Variants in RFLNA observed in about 807,000 individuals in gnomAD.
RFLNA encodes the protein refilin-A.
RFLNA carries 5 observed loss-of-function variants against 7.8 expected under a neutral mutation model. The ratio of observed to expected loss-of-function variants is 0.64; its 90% CI spans 0.34 to 1.35. RFLNA has a LOEUF of 1.35. Ranked by LOEUF, RFLNA falls within the 40% of genes most tolerant of loss-of-function variation. The pLI is 0.04. For missense variants in RFLNA, 278 were observed against 305.5 expected (o/e 0.91, Z 0.67); for synonymous variants, 141 against 131.3 (o/e 1.07, Z -0.50).
intron 2 of RFLNA, among the ~76,000 whole-genome samples, chr12:124,312,224 G>C (rs1446421873): frequency 6.6e-6 from 1 of 151,954 alleles, no homozygotes; most frequent in Non-Finnish European, 1.5e-5. Flanking sequence ...CCTCCAAAAG[G>C]CTTTTATTTT....
chr12:124,296,539 C>A (rs1262005846), intron 1 of RFLNA, among the ~76,000 whole-genome samples: 1 of 152,134 alleles, frequency 6.6e-6, no homozygotes, highest in African/African-American at 2.4e-5. Flanking sequence ...ACTGCTGGGG[C>A]GTGTGTGCTG....
At chr12:124,310,193 A>AAAAAAAAAAAAAAAAAAAC (rs1566328172) in intron 1 of RFLNA, among the ~76,000 whole-genome samples, 1 of 147,210 alleles carries the variant, frequency 6.8e-6, no homozygotes, top group Non-Finnish European at 1.5e-5. Context: ...AAAAAAAAAA[A>AAAAAAAAAAAAAAAAAAAC]AAAGCCTTTA....
rs1022552910 is a variant in RFLNA at position 124,315,167 on chromosome 12, C to T, written c.*642C>T. ...GCGCTGGAGGTGGTGATACTGGGGGCGGGGAAGGCCTAGAAATACTTTGAG... is the reference window on the plus strand; with the variant it reads ...GCGCTGGAGGTGGTGATACTGGGGGTGGGGAAGGCCTAGAAATACTTTGAG... On this transcript the variant is annotated 3_prime_UTR_variant, in exon 3 of 3. Transcript: ENST00000546355. 2.2e-4 allele frequency: 37 copies of T among 169,474 alleles called. No homozygotes were observed. Among genetic ancestry groups the T allele is most frequent in the African/African-American group, 7.6e-4 (32 of 41,844 alleles). 10.5% of individuals were successfully genotyped at this position (169,474 alleles called of 1,614,324 possible).
chr12:124,297,872 C>T (rs1034798548), intron 1 of RFLNA, among the ~76,000 whole-genome samples: 1 of 152,208 alleles, frequency 6.6e-6, no homozygotes, highest in African/African-American at 2.4e-5. Context: ...CGTTAACTCC[C>T]GCTAAACTTT....
At chr12:124,294,919 G>A (rs545934197), upstream of RFLNA, among the ~76,000 whole-genome samples, 1 of 152,206 alleles carries the variant, frequency 6.6e-6, no homozygotes, top group Non-Finnish European at 1.5e-5. Context: ...CGGGAGTGGG[G>A]GACACACGCG....
intron 2 of RFLNA, among the ~76,000 whole-genome samples, chr12:124,313,867 G>A (rs11610586): frequency 0.51 from 77,430 of 151,960 alleles, 22,139 homozygotes; most frequent in Non-Finnish European, 0.64. Context: ...AAGTGCACAC[G>A]GTGACGCCAG....
chr12:124,292,187 C>T (rs1052867661), upstream of RFLNA, among the ~76,000 whole-genome samples: 27 of 152,296 alleles, frequency 1.8e-4, no homozygotes, highest in African/African-American at 6.5e-4. Flanking sequence ...TGCTTCAAAA[C>T]CTCTGCAGAT....
chr12:124,295,598 G>T lies in RFLNA; in HGVS notation c.169G>T (p.Ala57Ser), dbSNP rs778257382. 1.6e-6 allele frequency: 2 copies of T among 1,216,816 alleles called. No homozygotes were observed. The highest frequency in any genetic ancestry group is 2.0e-6 in the Non-Finnish European group (2 of 980,742). 75.4% of individuals were successfully genotyped at this position (1,216,816 alleles called of 1,614,324 possible). ...CGACGCGCGCGCGGGGGGCGCCGGC[G>T]CCTCCTCGGAGCCCCCGGGACCCAG... ...ILDARAGGAG[A>S]SSEPPGPSEA... Residue 57 changes from alanine to serine, a missense_variant, in exon 1 of 3, where the codon GCC becomes TCC. Physicochemically the swap from Ala to Ser is moderately conservative, Grantham distance 99 (BLOSUM62 1). Transcript: ENST00000546355.
intron 1 of RFLNA, among the ~76,000 whole-genome samples, chr12:124,305,247 C>T (rs1003970572): frequency 6.6e-6 from 1 of 152,212 alleles, no homozygotes; most frequent in Non-Finnish European, 1.5e-5. Flanking sequence ...ATCCCCCTTG[C>T]GGGCCCACTG....
intron 2 of RFLNA, among the ~76,000 whole-genome samples, chr12:124,312,867 C>T (rs1416581640): frequency 6.6e-6 from 1 of 152,182 alleles, no homozygotes; most frequent in East Asian, 1.9e-4. Context: ...CATCCCACAT[C>T]GATTTGCCCT....
intron 1 of RFLNA, among the ~76,000 whole-genome samples, chr12:124,297,355 C>T (rs2135674166): frequency 6.6e-6 from 1 of 152,262 alleles, no homozygotes; most frequent in South Asian, 2.1e-4. Context: ...CCCTGATCTT[C>T]TAATTTGGCT....
At chr12:124,290,952 T>C (rs377541063), upstream of RFLNA, among the ~76,000 whole-genome samples, 148 of 152,322 alleles carry the variant, frequency 9.7e-4, no homozygotes, top group African/African-American at 3.5e-3. This position sits in a 1 kb window ranked among gnomAD's most constrained non-coding sequence, Gnocchi z 4.0. Context: ...AGGAGACCCC[T>C]TCCTTGTCTG....
intron 1 of RFLNA, among the ~76,000 whole-genome samples, chr12:124,296,077 T>TTTC (rs1566319891): frequency 1.9e-4 from 1 of 5,234 alleles, no homozygotes; most frequent in South Asian, 0.018. Context: ...AAGCCTTTTC[T>TTTC]TTCTTTCTTT....
upstream of RFLNA, among the ~76,000 whole-genome samples, chr12:124,292,289 A>G (rs1035680032): frequency 2.7e-4 from 41 of 152,248 alleles, no homozygotes; most frequent in Non-Finnish European, 5.6e-4. Flanking sequence ...CCCTTCCTAC[A>G]GCGCTGGGCC....
Position 124,306,040 on chromosome 12 carries a change from T to A in RFLNA, c.208-5778T>A, listed in dbSNP as rs776833592. Among the ~76,000 whole-genome samples the A allele has an allele frequency of 1.3e-5, 2 of 152,090 alleles. No individual in the cohort carries two copies. Among genetic ancestry groups the A allele is most frequent in the African/African-American group, 4.8e-5 (2 of 41,412 alleles). ...TGACTAGCAGGGATGGGGCTCCTGG[T>A]GATGTTTGTCCACAGACTGCTGCCA... On this transcript the variant is annotated intron_variant, in intron 1 of 2. Transcript: ENST00000546355. This position sits in a 1 kb window ranked among gnomAD's most constrained non-coding sequence, Gnocchi z 5.2.
intron 1 of RFLNA, among the ~76,000 whole-genome samples, chr12:124,301,043 C>A (rs1261313066): frequency 6.6e-6 from 1 of 152,154 alleles, no homozygotes; most frequent in East Asian, 1.9e-4. Flanking sequence ...GGATCGGTCC[C>A]CATGGCCCCC....
intron 1 of RFLNA, among the ~76,000 whole-genome samples, chr12:124,308,915 G>A (rs1397828677): frequency 6.6e-6 from 1 of 152,230 alleles, no homozygotes; most frequent in African/African-American, 2.4e-5. Flanking sequence ...GCGTGTTCTG[G>A]ATCTACCCCG....
chr12:124,298,924 C>G (rs2033977710), intron 1 of RFLNA, among the ~76,000 whole-genome samples: 1 of 152,222 alleles, frequency 6.6e-6, no homozygotes, highest in South Asian at 2.1e-4. Flanking sequence ...GCACAAAAAT[C>G]TCAGAAATCA....
intron 1 of RFLNA, among the ~76,000 whole-genome samples, chr12:124,309,269 C>T (rs151205418): frequency 1.9e-4 from 29 of 152,324 alleles, no homozygotes; most frequent in Non-Finnish European, 3.4e-4. Flanking sequence ...ACCTGGTGGT[C>T]AAACCCTTCT....
Sources: allele counts gnomAD v4.1 joint callset (sites outside exome capture counted in the v4.1 genomes callset), GRCh38; gene constraint gnomAD v4.1.1; non-coding constraint Gnocchi (gnomAD v3.1); transcripts MANE v1.5; gene names NCBI Gene and HGNC (gene_info 2026-07-23, HGNC 2026-07-21).